CMIP: variants seen among roughly 807,000 people sequenced by gnomAD.
CMIP encodes the protein C-Maf-inducing protein.
In CMIP, 13 loss-of-function variants were observed where a neutral mutation model predicts 97.3. The ratio of observed to expected loss-of-function variants is 0.13; its 90% confidence interval spans 0.09 to 0.21. CMIP has a LOEUF of 0.21. Ranked by LOEUF, CMIP falls within the 10% of genes least tolerant of loss-of-function variation. The probability of loss-of-function intolerance (pLI) is 1.00; values close to 1 mark genes in which losing one functional copy is unlikely to be tolerated. For missense variants in CMIP, 847 were observed against 1,024.9 expected (o/e 0.83, Z 2.37); for synonymous variants, 538 against 436.3 (o/e 1.23, Z -2.91).
chr16:81,658,777 G>T (rs2092513262), intron 5 of CMIP, among the ~76,000 whole-genome samples: 1 of 152,206 alleles, frequency 6.6e-6, no homozygotes, highest in South Asian at 2.1e-4. Flanking sequence ...GCCCAGGAGG[G>T]GACCTTGGAA....
chr16:81,505,667 GTC>G (rs2089695675), intron 1 of CMIP, among the ~76,000 whole-genome samples: 1 of 152,234 alleles, frequency 6.6e-6, no homozygotes, highest in Admixed American at 6.5e-5. Flanking sequence ...CTCTCTTTGA[GTC>G]TCTCCTCAGT....
At chr16:81,633,295 G>C (rs978638014) in intron 3 of CMIP, among the ~76,000 whole-genome samples, 1 of 152,208 alleles carries the variant, frequency 6.6e-6, no homozygotes, top group African/African-American at 2.4e-5. Flanking sequence ...ATCTGCACTT[G>C]GGGCACACCT....
chr16:81,691,883 C>T (rs1171311160), intron 11 of CMIP, 43 bp downstream of exon 11: 1 of 1,537,750 alleles, frequency 6.5e-7, no homozygotes, highest in South Asian at 1.1e-5. Flanking sequence ...ACCTGTGAGA[C>T]AAACCTCAGT....
At position 81,621,073 on chromosome 16, in the gene CMIP, C is replaced by T; in HGVS notation, c.477+147C>T. On this transcript the variant is annotated intron_variant, in intron 3 of 20. Transcript: ENST00000537098. The surrounding 1 kb of genome is among the most constrained non-coding windows in gnomAD (Gnocchi z 4.1). ...GGAACTTTGTTCCCCTACCTAAGAG[C>T]CCCTGGCCCTTCGTCCTCTGCTGTT... The T allele has an allele frequency of 3.4e-6, 3 of 879,210 alleles. No homozygotes were observed. The highest frequency in any genetic ancestry group is 5.2e-6 in the Non-Finnish European group (3 of 572,564). The allele number at this position is 879,210 out of a possible 1,614,324, so 54.5% of individuals were successfully genotyped here.
chr16:81,557,493 T>G (rs1437765465), intron 1 of CMIP, among the ~76,000 whole-genome samples: 2 of 152,244 alleles, frequency 1.3e-5, no homozygotes, highest in Non-Finnish European at 1.5e-5. Context: ...ATGTGATAAT[T>G]TAATATATGT....
chr16:81,459,791 A>G (rs1906794293), intron 1 of CMIP, among the ~76,000 whole-genome samples: 1 of 152,164 alleles, frequency 6.6e-6, no homozygotes, highest in African/African-American at 2.4e-5. Context: ...GTCTGCAGTG[A>G]CAGAGCACCT....
intron 1 of CMIP, among the ~76,000 whole-genome samples, chr16:81,566,350 A>T (rs2090983594): frequency 6.6e-6 from 1 of 152,116 alleles, no homozygotes; most frequent in Non-Finnish European, 1.5e-5. Context: ...GTTCTTTCAG[A>T]CAGTGAAGGA....
In CMIP at chr16:81,453,882, C is replaced by T. The variant is rs1447414379; in HGVS notation, c.300+8341C>T. 1.3e-5 allele frequency among the ~76,000 whole-genome samples: 2 copies of T among 152,232 alleles called. No homozygotes were observed. Among genetic ancestry groups the T allele is most frequent in the Non-Finnish European group, 2.9e-5 (2 of 68,038 alleles). ...CGCTTGGTTGGCTAGAACTCAGACA[C>T]ACGGCCACACGGAGTGCAGGGGAAG... On this transcript the variant is annotated intron_variant, in intron 1 of 20. Transcript: ENST00000537098. This position sits in a 1 kb window ranked among gnomAD's most constrained non-coding sequence, Gnocchi z 4.0.
At position 81,616,526 on chromosome 16, in the gene CMIP, C is replaced by T. The variant is rs764375402; in HGVS notation, c.427-4350C>T. ...GTGGTCTGTGGTTGGTAGTGACATG[C>T]GTCATCGCACTTAGTTCGCCAGCCT... On this transcript the variant is annotated intron_variant, in intron 2 of 20. Transcript: ENST00000537098. This position sits in a 1 kb window ranked among gnomAD's most constrained non-coding sequence, Gnocchi z 4.7. Among the ~76,000 whole-genome samples, 1 of 152,226 alleles carries T rather than the reference C, an allele frequency of 6.6e-6. No homozygotes were observed. The highest frequency in any genetic ancestry group is 2.1e-4 in the South Asian group (1 of 4,830).
At chr16:81,473,997 C>T (rs1202289414) in intron 1 of CMIP, among the ~76,000 whole-genome samples, 1 of 152,004 alleles carries the variant, frequency 6.6e-6, no homozygotes, top group African/African-American at 2.4e-5. Flanking sequence ...CCTGGGATCC[C>T]CAGACAGTTC....
At chr16:81,476,171 C>T in intron 1 of CMIP, 2 of 1,177,660 alleles carry the variant, frequency 1.7e-6, no homozygotes, top group Middle Eastern at 2.0e-4. Context: ...TCAGTCTTGG[C>T]AGTGCGTGTG....
intron 1 of CMIP, chr16:81,519,778 A>G (rs903191881): frequency 1.3e-5 from 2 of 152,262 alleles, no homozygotes. Context: ...TATGTCCATC[A>G]TGGAGATGCC....
intron 1 of CMIP, among the ~76,000 whole-genome samples, chr16:81,445,963 T>A (rs150034568): frequency 6.9e-6 from 1 of 144,660 alleles, no homozygotes; most frequent in African/African-American, 2.9e-5. Flanking sequence ...CCCCTCAGAT[T>A]TAAAAAAAAA....
chr16:81,647,077 A>T (rs1025870869), intron 3 of CMIP, among the ~76,000 whole-genome samples: 3 of 152,256 alleles, frequency 2.0e-5, no homozygotes, highest in Non-Finnish European at 2.9e-5. Context: ...CACCAGCAAC[A>T]CACAAGATTC....
At chr16:81,557,025 G>A (rs758746711) in intron 1 of CMIP, among the ~76,000 whole-genome samples, 1 of 152,228 alleles carries the variant, frequency 6.6e-6, no homozygotes, top group African/African-American at 2.4e-5. Context: ...CAAAGTGTCC[G>A]GGTTAGTTCA....
Position 81,705,690 on chromosome 16 carries a change from T to G in CMIP, c.2197+86T>G, listed in dbSNP as rs578130663. The G allele has an allele frequency of 6.0e-6, 5 of 826,674 alleles. No individual in the cohort carries two copies. In the African/African-American group the frequency reaches 8.4e-5, roughly 14 times the overall value. 51.2% of individuals were successfully genotyped at this position (826,674 alleles called of 1,614,324 possible). A position where few individuals can be genotyped will look rare whatever the true frequency, so the allele number is the denominator to read the frequency against. On this transcript the variant is annotated intron_variant, in intron 19 of 20. Coordinates refer to ENST00000537098, the MANE Select transcript of CMIP (RefSeq NM_198390.3). Reference sequence around the variant, plus strand: ...CAGCCAAACTGGCCAAGCACTGACTTTGCACCATGCACAGATAGAGAAATT... The same window carrying G: ...CAGCCAAACTGGCCAAGCACTGACTGTGCACCATGCACAGATAGAGAAATT...
At chr16:81,494,325 T>C (rs561797459) in intron 1 of CMIP, among the ~76,000 whole-genome samples, 3 of 152,168 alleles carry the variant, frequency 2.0e-5, no homozygotes, top group African/African-American at 7.2e-5. Context: ...TTTCCAGGCA[T>C]GTGCTGGGAA....
At chr16:81,577,718 T>C (rs1010999804) in intron 1 of CMIP, among the ~76,000 whole-genome samples, 53 of 149,822 alleles carry the variant, frequency 3.5e-4, no homozygotes, top group Non-Finnish European at 6.6e-4. Flanking sequence ...ATCATCACCA[T>C]CACCTTCATC....
chr16:81,447,436 A>G (rs558135973), intron 1 of CMIP, among the ~76,000 whole-genome samples: 1 of 152,064 alleles, frequency 6.6e-6, no homozygotes, highest in African/African-American at 2.4e-5. Context: ...ATGCCTCCCC[A>G]CTTACCTCCG....
Sources: gnomAD v4.1 joint callset for allele counts (sites outside exome capture counted in the v4.1 genomes callset) on GRCh38, gnomAD v4.1.1 for gene constraint, Gnocchi (gnomAD v3.1) non-coding constraint, MANE v1.5 for transcripts, NCBI Gene and HGNC (gene_info 2026-07-23, HGNC 2026-07-21) for gene names.